Variants in ERC2 observed in about 807,000 individuals in gnomAD.
The protein encoded by ERC2 is ERC protein 2.
ERC2 carries 42 observed loss-of-function variants against 114.8 expected under a neutral mutation model. The ratio of observed to expected loss-of-function variants is 0.37; its 90% CI spans 0.29 to 0.47. The LOEUF (loss-of-function observed/expected upper bound fraction) is 0.47. Among genes scored for constraint, ERC2 ranks in the 20% least tolerant of loss-of-function variants. The pLI is 0.99. For missense variants in ERC2, 939 were observed against 1,150.7 expected (o/e 0.82, Z 2.66); for synonymous variants, 454 against 425.5 (o/e 1.07, Z -0.82).
At chr3:56,335,451 A>T (rs574928862) in intron 2 of ERC2, among the ~76,000 whole-genome samples, 1 of 152,198 alleles carries the variant, frequency 6.6e-6, no homozygotes, top group South Asian at 2.1e-4. Flanking sequence ...CAAAAAAGCG[A>T]TGATTTTTTA....
chr3:56,243,086 T>C (rs1236812620), intron 3 of ERC2, among the ~76,000 whole-genome samples: 1 of 152,188 alleles, frequency 6.6e-6, no homozygotes, highest in Non-Finnish European at 1.5e-5. Context: ...GAGTACTCCA[T>C]GTATACCCTG....
chr3:55,845,838 A>C (rs1379424577), intron 14 of ERC2, among the ~76,000 whole-genome samples: 1 of 152,244 alleles, frequency 6.6e-6, no homozygotes, highest in East Asian at 1.9e-4. Context: ...ATGTACACCA[A>C]AGGTTGTGCA....
chr3:55,954,010 C>A (rs908339757), intron 12 of ERC2, among the ~76,000 whole-genome samples: 1 of 142,330 alleles, frequency 7.0e-6, no homozygotes, highest in South Asian at 2.2e-4. Flanking sequence ...GCCCCAGAAC[C>A]AAGTATCACT....
chr3:56,316,848 C>A (rs2150410611), intron 2 of ERC2, among the ~76,000 whole-genome samples: 1 of 152,272 alleles, frequency 6.6e-6, no homozygotes, highest in South Asian at 2.1e-4. Flanking sequence ...CCCTATCTAT[C>A]AGCCATTATG....
chr3:55,865,247 T>A (rs2062245033), intron 14 of ERC2, among the ~76,000 whole-genome samples: 1 of 152,132 alleles, frequency 6.6e-6, no homozygotes, highest in South Asian at 2.1e-4. Context: ...TTCAAATGAG[T>A]GAGTTTCACT....
intron 14 of ERC2, among the ~76,000 whole-genome samples, chr3:55,863,036 G>A (rs1186648225): frequency 6.6e-6 from 1 of 152,034 alleles, no homozygotes; most frequent in Admixed American, 6.6e-5. Context: ...TCCCATTAGA[G>A]CCTCCTTAAT....
chr3:55,893,415 C>T (rs1003295419), intron 13 of ERC2, among the ~76,000 whole-genome samples: 3 of 152,140 alleles, frequency 2.0e-5, no homozygotes, highest in African/African-American at 7.2e-5. Context: ...TCTCTCCAAA[C>T]TTTATCTCCT....
chr3:55,868,528 C>G (rs147169001), intron 14 of ERC2, among the ~76,000 whole-genome samples: 1 of 152,202 alleles, frequency 6.6e-6, no homozygotes, highest in African/African-American at 2.4e-5. Flanking sequence ...AGCTGGCTCT[C>G]CCTCCCTCCC....
chr3:56,020,405 C>T (rs1488314507), intron 7 of ERC2, among the ~76,000 whole-genome samples: 1 of 151,956 alleles, frequency 6.6e-6, no homozygotes, highest in African/African-American at 2.4e-5. Context: ...TCTTTTCCTT[C>T]ATCAAAATGT....
At chr3:55,512,017 T>G (rs983278079) in intron 17 of ERC2, among the ~76,000 whole-genome samples, 3 of 152,228 alleles carry the variant, frequency 2.0e-5, no homozygotes, top group African/African-American at 7.2e-5. Context: ...GCTTCTGGGT[T>G]TCCAGCCACA....
intron 2 of ERC2, among the ~76,000 whole-genome samples, chr3:56,364,550 T>A (rs2059080903): frequency 6.6e-6 from 1 of 152,218 alleles, no homozygotes; most frequent in Non-Finnish European, 1.5e-5. Flanking sequence ...ACAATACTAA[T>A]GTAGGAGAAA....
rs111327207 is a variant in ERC2 at position 56,454,347 on chromosome 3, G to T, written c.-141+13901C>A. On this transcript the variant is annotated intron_variant, in intron 1 of 17. Coordinates refer to ENST00000288221, the MANE Select transcript of ERC2 (RefSeq NM_015576.3). ...CTGAACATTTTAGAGTGCCCCAAAG[G>T]CACTGCCAATATCAGAATCTCTGCC... Among the ~76,000 whole-genome samples the T allele has an allele frequency of 3.9e-4, 59 of 152,168 alleles. 1 individual carries two copies. The highest frequency in any genetic ancestry group is 1.4e-3 in the African/African-American group (58 of 41,514).
intron 17 of ERC2, among the ~76,000 whole-genome samples, chr3:55,550,807 G>A (rs572068459): frequency 8.9e-4 from 135 of 152,178 alleles, no homozygotes; most frequent in Non-Finnish European, 1.4e-3. Context: ...ACGAGGTCAG[G>A]AGATCGAGAC....
At chr3:56,350,587 G>A (rs2058516060) in intron 2 of ERC2, among the ~76,000 whole-genome samples, 1 of 152,108 alleles carries the variant, frequency 6.6e-6, no homozygotes. Flanking sequence ...AATGCTCATG[G>A]TAGAGACACC....
intron 2 of ERC2, among the ~76,000 whole-genome samples, chr3:56,311,251 CTCTCTATATATATA>C (rs1310709057): frequency 2.3e-5 from 1 of 42,778 alleles, no homozygotes; most frequent in Non-Finnish European, 5.1e-5. Context: ...CTCTCTCTCT[CTCTCTATATATATA>C]TATATATATA....
intron 3 of ERC2, among the ~76,000 whole-genome samples, chr3:56,270,663 T>C (rs889619570): frequency 6.6e-6 from 1 of 152,168 alleles, no homozygotes; most frequent in African/African-American, 2.4e-5. Context: ...GGAAGATCTA[T>C]GGCTGAAAAC....
intron 2 of ERC2, among the ~76,000 whole-genome samples, chr3:56,358,110 TG>T (rs1467486646): frequency 6.6e-6 from 1 of 152,110 alleles, no homozygotes; most frequent in East Asian, 1.9e-4. Context: ...GGCGCATACA[TG>T]AGTTTCAGAG....
chr3:55,969,350 G>T (rs2068983858), intron 12 of ERC2, among the ~76,000 whole-genome samples: 2 of 150,548 alleles, frequency 1.3e-5, no homozygotes, highest in Admixed American at 6.6e-5. Context: ...AGCCAGAAAA[G>T]CTGGAAAACT....
intron 17 of ERC2, among the ~76,000 whole-genome samples, chr3:55,610,064 C>CAAAAA (rs36088271): frequency 8.9e-4 from 106 of 118,436 alleles, no homozygotes; most frequent in East Asian, 2.2e-3. Flanking sequence ...CAAACACAAA[C>CAAAAA]AAAAAAAAAA....
Sources: allele counts gnomAD v4.1 joint callset (sites outside exome capture counted in the v4.1 genomes callset), GRCh38; gene constraint gnomAD v4.1.1; transcripts MANE v1.5; gene names NCBI Gene and HGNC (gene_info 2026-07-23, HGNC 2026-07-21).